Variants in ROR1 observed in about 807,000 individuals in gnomAD.
The protein encoded by ROR1 is inactive tyrosine-protein kinase transmembrane receptor ROR1.
In ROR1, 19 loss-of-function variants were observed where a neutral mutation model predicts 78.8. That is an observed-to-expected ratio of 0.24 (90% CI 0.17 to 0.35). The LOEUF (loss-of-function observed/expected upper bound fraction) is 0.35. Ranked by LOEUF, ROR1 falls within the 10% of genes least tolerant of loss-of-function variation. ROR1 has a pLI of 1.00. For synonymous variants in ROR1, 386 were observed against 433.6 expected (o/e 0.89, Z 1.36); for missense variants, 917 against 1,177.8 (o/e 0.78, Z 3.24).
intron 4 of ROR1, among the ~76,000 whole-genome samples, chr1:64,116,534 T>A (rs1255284474): frequency 6.6e-6 from 1 of 152,200 alleles, no homozygotes; most frequent in African/African-American, 2.4e-5. Flanking sequence ...TTGTCCTTGA[T>A]GATTTTACTG....
chr1:64,171,403 C>T (rs1650236479), intron 8 of ROR1: 1 of 152,258 alleles, frequency 6.6e-6, no homozygotes, highest in Admixed American at 6.5e-5. Context: ...GACTCAATTA[C>T]CTCCCACCAG....
chr1:64,057,492 C>T (rs1646884530), intron 4 of ROR1, among the ~76,000 whole-genome samples: 1 of 152,008 alleles, frequency 6.6e-6, no homozygotes, highest in Admixed American at 6.6e-5. Context: ...TGCTAAAATC[C>T]TTAGGGCAGG....
intron 8 of ROR1, among the ~76,000 whole-genome samples, chr1:64,171,899 C>T (rs376374916): frequency 5.9e-5 from 9 of 152,196 alleles, no homozygotes; most frequent in African/African-American, 2.2e-4. Flanking sequence ...AAAATCCTCA[C>T]CGCATATCCT....
intron 1 of ROR1, among the ~76,000 whole-genome samples, chr1:63,979,245 A>T (rs1361853798): frequency 6.6e-6 from 1 of 152,176 alleles, no homozygotes; most frequent in African/African-American, 2.4e-5. Flanking sequence ...GTAAAATTTA[A>T]TGGCTGCTGA....
chr1:63,900,772 A>G (rs1270180602), intron 1 of ROR1, among the ~76,000 whole-genome samples: 1 of 152,152 alleles, frequency 6.6e-6, no homozygotes, highest in Non-Finnish European at 1.5e-5. Context: ...TTAATTTAAC[A>G]TCTTGCTGTA....
intron 1 of ROR1, among the ~76,000 whole-genome samples, chr1:63,815,807 A>G (rs1401235071): frequency 6.6e-6 from 1 of 152,080 alleles, no homozygotes; most frequent in Non-Finnish European, 1.5e-5. Flanking sequence ...TGAATTACAC[A>G]TACCCAGGTC....
intron 1 of ROR1, among the ~76,000 whole-genome samples, chr1:63,931,059 A>G (rs1273351980): frequency 6.6e-6 from 1 of 152,190 alleles, no homozygotes; most frequent in Non-Finnish European, 1.5e-5. Flanking sequence ...AGAAAGGCGG[A>G]TCAGTTGAGG....
At chr1:64,060,747 A>T (rs2100604878) in intron 4 of ROR1, among the ~76,000 whole-genome samples, 1 of 152,252 alleles carries the variant, frequency 6.6e-6, no homozygotes, top group South Asian at 2.1e-4. Flanking sequence ...TAGACTCAGC[A>T]CTCTGCAGAG....
chr1:63,910,136 A>G (rs1645559527), intron 1 of ROR1, among the ~76,000 whole-genome samples: 1 of 152,184 alleles, frequency 6.6e-6, no homozygotes, highest in African/African-American at 2.4e-5. Flanking sequence ...TGTCTTGTAC[A>G]TCTTTGCACT....
intron 1 of ROR1, among the ~76,000 whole-genome samples, chr1:63,787,607 A>C (rs1364450535): frequency 2.7e-5 from 4 of 146,682 alleles, no homozygotes; most frequent in Non-Finnish European, 4.5e-5. Context: ...GCTCACTACA[A>C]CCTCCGCCTC....
chr1:63,884,933 C>A (rs769886349), intron 1 of ROR1, among the ~76,000 whole-genome samples: 5 of 151,940 alleles, frequency 3.3e-5, no homozygotes, highest in Non-Finnish European at 7.4e-5. Flanking sequence ...TGGAACCAGA[C>A]TGCCTTCATG....
intron 4 of ROR1, among the ~76,000 whole-genome samples, chr1:64,113,090 CT>C (rs1231785974): frequency 6.6e-6 from 1 of 152,196 alleles, no homozygotes; most frequent in Non-Finnish European, 1.5e-5. Context: ...TTCCGTTTTT[CT>C]GAATCCCCTC....
chr1:63,925,342 C>A (rs1479675786), intron 1 of ROR1, among the ~76,000 whole-genome samples: 1 of 150,668 alleles, frequency 6.6e-6, no homozygotes, highest in African/African-American at 2.4e-5. Context: ...AGGACATGAA[C>A]TCATCATTTT....
intron 1 of ROR1, among the ~76,000 whole-genome samples, chr1:63,904,376 CA>C (rs1235528070): frequency 6.6e-6 from 1 of 152,168 alleles, no homozygotes; most frequent in Non-Finnish European, 1.5e-5. Context: ...GCCCTTGACT[CA>C]CAGTCCCAGG....
intron 1 of ROR1, among the ~76,000 whole-genome samples, chr1:63,823,561 T>G (rs1644936143): frequency 6.7e-6 from 1 of 149,606 alleles, no homozygotes; most frequent in Non-Finnish European, 1.5e-5. Context: ...GTGATCTTCC[T>G]GCCTCAGCTT....
intron 4 of ROR1, among the ~76,000 whole-genome samples, chr1:64,077,767 G>A (rs1482334424): frequency 2.6e-5 from 4 of 152,242 alleles, no homozygotes; most frequent in Non-Finnish European, 5.9e-5. Flanking sequence ...ATGAAGATAA[G>A]TCAGAGGTTT....
intron 4 of ROR1, among the ~76,000 whole-genome samples, chr1:64,125,161 G>A (rs915285026): frequency 5.9e-5 from 9 of 152,174 alleles, no homozygotes; most frequent in African/African-American, 1.9e-4. Flanking sequence ...ACGTTTTTAC[G>A]TATGTTTGCT....
In ROR1 at chr1:63,995,464, G is replaced by A. The variant is rs116338645; in HGVS notation, c.92-13841G>A. 4.4e-3 allele frequency among the ~76,000 whole-genome samples: 664 copies of A among 152,232 alleles called. 2 individuals carry two copies. The highest frequency in any genetic ancestry group is 0.013 in the African/African-American group (531 of 41,536). On this transcript the variant is annotated intron_variant, in intron 1 of 8. Transcript: ENST00000371079. Reference sequence around the variant, plus strand: ...ACTCTAATAGGCAGTTCTCCGTAGCGCTTCACAACAATGAAAGTAAGTTCC... The same window carrying A: ...ACTCTAATAGGCAGTTCTCCGTAGCACTTCACAACAATGAAAGTAAGTTCC...
intron 2 of ROR1, among the ~76,000 whole-genome samples, chr1:64,022,233 G>A (rs1024005214): frequency 6.6e-6 from 1 of 152,196 alleles, no homozygotes; most frequent in African/African-American, 2.4e-5. Flanking sequence ...CCAGGGGCTG[G>A]CTAGAGTGGG....
Sources: allele counts gnomAD v4.1 joint callset (sites outside exome capture counted in the v4.1 genomes callset), GRCh38; gene constraint gnomAD v4.1.1; transcripts MANE v1.5; gene names NCBI Gene and HGNC (gene_info 2026-07-23, HGNC 2026-07-21).